The following KIT variants were observed in gnomAD, a reference collection of about 807,000 sequenced individuals.
KIT encodes KIT proto-oncogene, receptor tyrosine kinase, also known as mast/stem cell growth factor receptor Kit.
A neutral mutation model predicts 105.7 loss-of-function variants in KIT; 16 were observed. The observed-to-expected ratio is 0.15, with a 90% CI of 0.10 to 0.23. The LOEUF (loss-of-function observed/expected upper bound fraction) is 0.23. Among genes scored for constraint, KIT ranks in the 10% least tolerant of loss-of-function variants. The pLI is 1.00. For missense variants in KIT, 858 were observed against 1,213.8 expected (o/e 0.71, Z 4.36); for synonymous variants, 438 against 441.1 (o/e 0.99, Z 0.09).
Position 54,698,336 on chromosome 4 carries a change from C to G in KIT, c.390C>G (p.Asn130Lys), listed in dbSNP as rs575926270. 6.2e-7 allele frequency: 1 copy of G among 1,614,008 alleles called. No homozygotes were observed. Among genetic ancestry groups the G allele is most frequent in the Non-Finnish European group, 8.5e-7 (1 of 1,179,954 alleles). Residue 130 changes from asparagine to lysine, a missense_variant, in exon 3 of 21, where the codon AAC becomes AAG. Physicochemically the swap from Asn to Lys is moderately conservative, Grantham distance 94. Around this residue, in one of 7 missense-constraint regions of KIT, gnomAD observed 401 missense variants for 601.0 expected, o/e 0.67. Transcript: ENST00000288135. ...VDRSLYGKED[N>K]DTLVRCPLTD... The stretch of plus-strand genomic sequence containing the variant: ...GCTCCTTGTATGGGAAAGAAGACAA[C>G]GACACGCTGGTCCGCTGTCCTCTCA...
intron 7 of KIT, among the ~76,000 whole-genome samples, chr4:54,719,936 C>T (rs1721755675): frequency 6.6e-6 from 1 of 152,092 alleles, no homozygotes; most frequent in Non-Finnish European, 1.5e-5. Context: ...AGAAGGAGGT[C>T]TCTTAGCACC....
At chr4:54,708,948 A>T (rs918016010) in intron 6 of KIT, among the ~76,000 whole-genome samples, 1 of 152,108 alleles carries the variant, frequency 6.6e-6, no homozygotes, top group African/African-American at 2.4e-5. Flanking sequence ...AAACCAGGAG[A>T]TGGGGGTGTT....
chr4:54,706,229 A>T (rs1319274036), intron 5 of KIT, among the ~76,000 whole-genome samples: 6 of 64,254 alleles, frequency 9.3e-5, no homozygotes, highest in East Asian at 3.3e-4. Flanking sequence ...AGATAATTTA[A>T]AAAAAAATCT....
chr4:54,679,338 C>T (rs1718739781), intron 1 of KIT, among the ~76,000 whole-genome samples: 1 of 152,166 alleles, frequency 6.6e-6, no homozygotes, highest in Non-Finnish European at 1.5e-5. Flanking sequence ...AACTGTTCTG[C>T]TGCTGGTAAT....
chr4:54,684,584 G>T lies in KIT; in HGVS notation c.68-10928G>T, dbSNP rs538788141. ...TTCTGGAAGCACCCTGTGTCTTCAT[G>T]CTGCCATCAGGCACTGTCCCCCACA... On this transcript the variant is annotated intron_variant, in intron 1 of 20. Transcript: ENST00000288135. Among the ~76,000 whole-genome samples the T allele has an allele frequency of 2.5e-4, 38 of 152,132 alleles. No individual in the cohort carries two copies. In the Middle Eastern group the frequency reaches 0.014, roughly 54 times the overall value.
intron 1 of KIT, among the ~76,000 whole-genome samples, chr4:54,670,259 C>T (rs567272391): frequency 2.0e-5 from 3 of 152,292 alleles, no homozygotes; most frequent in Non-Finnish European, 2.9e-5. Flanking sequence ...GGTATCTCTC[C>T]AAGGACTGGA....
intron 4 of KIT, 78 bp downstream of exon 4, chr4:54,699,844 C>T: frequency 6.6e-7 from 1 of 1,513,422 alleles, no homozygotes; most frequent in South Asian, 1.1e-5. Context: ...AGAGTCTGTC[C>T]TGAAACTGCC....
chr4:54,733,581 T>C (rs992971405), intron 17 of KIT, among the ~76,000 whole-genome samples: 1 of 152,140 alleles, frequency 6.6e-6, no homozygotes, highest in African/African-American at 2.4e-5. Flanking sequence ...TCTAAGATCA[T>C]ATTCAGAGTT....
chr4:54,711,591 G>A (rs1225366923), intron 7 of KIT, among the ~76,000 whole-genome samples: 2 of 152,148 alleles, frequency 1.3e-5, no homozygotes, highest in African/African-American at 4.8e-5. Flanking sequence ...CTCAATTCAA[G>A]TATCTCTAGA....
intron 16 of KIT, among the ~76,000 whole-genome samples, chr4:54,732,737 AT>A (rs1560421942): frequency 6.6e-6 from 1 of 152,130 alleles, no homozygotes; most frequent in Non-Finnish European, 1.5e-5. Flanking sequence ...GTGAAAGGAC[AT>A]TCAAAGAGAT....
At position 54,729,345 on chromosome 4, in the gene KIT, G is replaced by C. The variant is rs766315579; in HGVS notation, c.2001G>C (p.Leu667=). 33 of 1,613,452 alleles carry C rather than the reference G, an allele frequency of 2.0e-5. No homozygotes were observed. The highest frequency in any genetic ancestry group is 2.6e-5 in the Non-Finnish European group (31 of 1,179,620). The change falls in exon 14 of 21, where the codon CTG becomes CTC. Residue 667 remains leucine (L), a synonymous_variant. Transcript: ENST00000288135. ...LGACTIGGPT[L]VITEYCCYGD... The stretch of plus-strand genomic sequence containing the variant: ...CTTATGTGCTTTTAGGGCCCACCCT[G>C]GTCATTACAGAATATTGTTGCTATG...
chr4:54,712,685 A>G (rs1721236669), intron 7 of KIT, among the ~76,000 whole-genome samples: 1 of 152,014 alleles, frequency 6.6e-6, no homozygotes, highest in Admixed American at 6.5e-5. Context: ...CTTATTTGAA[A>G]CTAGATAGGA....
At chr4:54,661,819 T>C (rs1002439671) in intron 1 of KIT, among the ~76,000 whole-genome samples, 3 of 152,108 alleles carry the variant, frequency 2.0e-5, no homozygotes, top group African/African-American at 7.2e-5. Context: ...TTGTTGTACT[T>C]AGAGAGGAAT....
intron 5 of KIT, among the ~76,000 whole-genome samples, chr4:54,705,365 G>A (rs1240860533): frequency 1.3e-5 from 2 of 152,152 alleles, no homozygotes; most frequent in African/African-American, 4.8e-5. Context: ...TTAGTGGCTG[G>A]GAGGAGGGTT....
At chr4:54,714,361 A>G (rs1266895073) in intron 7 of KIT, among the ~76,000 whole-genome samples, 4 of 127,470 alleles carry the variant, frequency 3.1e-5, no homozygotes, top group Non-Finnish European at 7.3e-5. Flanking sequence ...ATGTCACACA[A>G]TGAGGTTTTT....
chr4:54,673,880 G>A (rs781157844), intron 1 of KIT, among the ~76,000 whole-genome samples: 2 of 151,860 alleles, frequency 1.3e-5, no homozygotes, highest in African/African-American at 2.4e-5. Context: ...AGTGATTCTC[G>A]TGCCTCAGCC....
rs781494024 is a variant in KIT, at chr4:54,737,159, G to C, written c.2697-16G>C. 4.6e-6 allele frequency: 7 copies of C among 1,537,896 alleles called. No individual in the cohort carries two copies. Among genetic ancestry groups the C allele is most frequent in the Non-Finnish European group, 6.3e-6 (7 of 1,110,548 alleles). On this transcript the variant is annotated splice_polypyrimidine_tract_variant and intron_variant, in intron 19 of 20. Transcript: ENST00000288135. ...AGGGCATTGAGGAGGGATAGTAAAT[G>C]GCCCTTGTCTTGCAGGTATGACATA... is the stretch of plus-strand genomic sequence containing the variant.
chr4:54,723,005 A>G (rs1040895362), intron 7 of KIT, among the ~76,000 whole-genome samples: 9 of 151,734 alleles, frequency 5.9e-5, no homozygotes, highest in Non-Finnish European at 8.8e-5. Context: ...AGTAAAGCCC[A>G]TATTGTATTT....
intron 8 of KIT, among the ~76,000 whole-genome samples, chr4:54,724,799 C>G (rs1031057323): frequency 6.6e-6 from 1 of 151,868 alleles, no homozygotes; most frequent in African/African-American, 2.4e-5. Context: ...ATGTTTTAAG[C>G]TTCATGAATT....
Sources: allele counts gnomAD v4.1 joint callset (sites outside exome capture counted in the v4.1 genomes callset), GRCh38; gene constraint gnomAD v4.1.1; regional missense constraint gnomAD v4.1.1; transcripts MANE v1.5; gene names NCBI Gene and HGNC (gene_info 2026-07-23, HGNC 2026-07-21).